Variants in AGBL1 observed in about 807,000 individuals in gnomAD.
AGBL1 encodes AGBL carboxypeptidase 1.
Under a neutral mutation model 118.9 loss-of-function variants are expected in AGBL1, and 130 were observed. The observed-to-expected ratio is 1.09, with a 90% CI of 0.95 to 1.26. The LOEUF (loss-of-function observed/expected upper bound fraction) is 1.26. Ranked by LOEUF, AGBL1 falls within the 50% of genes most tolerant of loss-of-function variation. The pLI is 0.00. For synonymous variants in AGBL1, 555 were observed against 478.9 expected, an observed-to-expected ratio of 1.16 and a Z score of -2.08; for missense variants, 1,584 against 1,298.1, an observed-to-expected ratio of 1.22 and a Z score of -3.38.
chr15:86,875,587 T>C (rs2079795597), intron 22 of AGBL1, among the ~76,000 whole-genome samples: 1 of 152,206 alleles, frequency 6.6e-6, no homozygotes, highest in Non-Finnish European at 1.5e-5. Context: ...AAAGATACAA[T>C]GTTAGCACAG....
At chr15:86,846,768 G>A (rs1161071550) in intron 22 of AGBL1, among the ~76,000 whole-genome samples, 1 of 152,182 alleles carries the variant, frequency 6.6e-6, no homozygotes, top group Non-Finnish European at 1.5e-5. Context: ...CTGACCTCAA[G>A]TGATCCACCC....
intron 18 of AGBL1, among the ~76,000 whole-genome samples, chr15:86,456,130 A>G (rs563981908): frequency 1.3e-5 from 2 of 152,340 alleles, no homozygotes; most frequent in East Asian, 1.9e-4. Flanking sequence ...AATTCAGAAT[A>G]GAAACTGTTC....
chr15:86,343,073 T>A (rs1012275837), intron 17 of AGBL1, among the ~76,000 whole-genome samples: 6 of 152,090 alleles, frequency 3.9e-5, no homozygotes, highest in Non-Finnish European at 8.8e-5. Flanking sequence ...AAAGGTGGGT[T>A]TTTACATTTT....
chr15:86,190,417 A>ATGAT (rs1203634318), intron 5 of AGBL1, among the ~76,000 whole-genome samples: 2 of 152,178 alleles, frequency 1.3e-5, no homozygotes, highest in Admixed American at 6.5e-5. Context: ...GTAATAATAT[A>ATGAT]TGATTTCAAG....
In AGBL1 at chr15:86,342,269, C is replaced by T. The variant is rs1328456929; in HGVS notation, c.2374+46861C>T. 6.6e-5 allele frequency among the ~76,000 whole-genome samples: 10 copies of T among 152,242 alleles called. No homozygotes were observed. The East Asian group carries it at 1.7e-3, about 27-fold the overall frequency. On this transcript the variant is annotated intron_variant, in intron 17 of 22. Transcript: ENST00000614907. Reference sequence around the variant, plus strand: ...TCTGGTCTTCCCTATATAATTTGGTCATGAACTCAATTATGTTCCTTGACT... The same window carrying T: ...TCTGGTCTTCCCTATATAATTTGGTTATGAACTCAATTATGTTCCTTGACT...
intron 21 of AGBL1, among the ~76,000 whole-genome samples, chr15:86,579,928 A>G (rs2084150975): frequency 6.6e-6 from 1 of 151,614 alleles, no homozygotes; most frequent in African/African-American, 2.4e-5. Flanking sequence ...GATACTGGGA[A>G]TGTAAGAAGG....
intron 21 of AGBL1, among the ~76,000 whole-genome samples, chr15:86,592,695 A>G (rs1194428844): frequency 6.6e-6 from 1 of 152,250 alleles, no homozygotes; most frequent in Non-Finnish European, 1.5e-5. Context: ...CTTAGTAGAC[A>G]TGCTTGAGCC....
chr15:86,869,239 A>G (rs975027910), intron 22 of AGBL1, among the ~76,000 whole-genome samples: 3 of 152,106 alleles, frequency 2.0e-5, no homozygotes, highest in African/African-American at 7.2e-5. Context: ...GGAGATAGAG[A>G]CACAAGTATG....
intron 22 of AGBL1, among the ~76,000 whole-genome samples, chr15:86,845,772 T>C (rs1485798343): frequency 6.6e-6 from 1 of 152,228 alleles, no homozygotes; most frequent in Non-Finnish European, 1.5e-5. Flanking sequence ...TATATTTGTA[T>C]TTTCTATTTC....
intron 18 of AGBL1, among the ~76,000 whole-genome samples, chr15:86,490,330 T>C (rs1303497360): frequency 7.2e-5 from 11 of 152,078 alleles, no homozygotes; most frequent in Non-Finnish European, 1.3e-4. Context: ...ATGGAACATA[T>C]GGGACCTCTT....
intron 22 of AGBL1, among the ~76,000 whole-genome samples, chr15:86,849,149 G>T (rs1454805263): frequency 6.6e-6 from 1 of 152,224 alleles, no homozygotes; most frequent in Non-Finnish European, 1.5e-5. Context: ...TCCATCGCCA[G>T]TTCTGAAGGA....
chr15:86,996,546 G>A (rs2081382162), intron 24 of AGBL1, among the ~76,000 whole-genome samples: 2 of 152,302 alleles, frequency 1.3e-5, no homozygotes, highest in East Asian at 3.9e-4. Flanking sequence ...AAGCTGTAGT[G>A]AGCCAGGAAG....
intron 21 of AGBL1, among the ~76,000 whole-genome samples, chr15:86,566,111 A>AT (rs1442323669): frequency 4.5e-4 from 41 of 91,864 alleles, no homozygotes; most frequent in African/African-American, 1.5e-3. Context: ...GCTTTGGCTC[A>AT]CCTCGTTGGG....
At chr15:86,827,958 T>TTTTTTTTTTTTTTTTTTTTTTTTTTA (rs2079054035) in intron 22 of AGBL1, among the ~76,000 whole-genome samples, 3 of 133,934 alleles carry the variant, frequency 2.2e-5, no homozygotes, top group African/African-American at 2.8e-5. Context: ...TTTTTTTTTT[T>TTTTTTTTTTTTTTTTTTTTTTTTTTA]GAGACAGTAT....
At chr15:86,347,889 C>T (rs778632681) in intron 17 of AGBL1, among the ~76,000 whole-genome samples, 1 of 152,202 alleles carries the variant, frequency 6.6e-6, no homozygotes, top group East Asian at 1.9e-4. Flanking sequence ...TGCTACTTAA[C>T]CTTAAAAAAT....
At chr15:86,604,053 A>G (rs1231422303) in intron 21 of AGBL1, among the ~76,000 whole-genome samples, 1 of 151,470 alleles carries the variant, frequency 6.6e-6, no homozygotes, top group Non-Finnish European at 1.5e-5. Flanking sequence ...TTCTTACACC[A>G]TTAGCTCATC....
intron 21 of AGBL1, among the ~76,000 whole-genome samples, chr15:86,650,506 T>C (rs1596337559): frequency 6.6e-6 from 1 of 152,226 alleles, no homozygotes; most frequent in African/African-American, 2.4e-5. Flanking sequence ...CAGATGAATT[T>C]CAGCCATCTG....
At chr15:86,763,609 G>A (rs533748222) in intron 22 of AGBL1, among the ~76,000 whole-genome samples, 3 of 152,022 alleles carry the variant, frequency 2.0e-5, no homozygotes, top group East Asian at 3.9e-4. Context: ...TTATGTTGAA[G>A]GAGTTGAATG....
At chr15:86,514,050 G>A (rs1249324615) in intron 18 of AGBL1, among the ~76,000 whole-genome samples, 2 of 151,694 alleles carry the variant, frequency 1.3e-5, no homozygotes, top group Non-Finnish European at 1.5e-5. Context: ...TGATATCTGG[G>A]AACTAGATAT....
Sources: gnomAD v4.1 joint callset for allele counts (sites outside exome capture counted in the v4.1 genomes callset) on GRCh38, gnomAD v4.1.1 for gene constraint, MANE v1.5 for transcripts, NCBI Gene and HGNC (gene_info 2026-07-23, HGNC 2026-07-21) for gene names.